FAM168A: variants seen among roughly 807,000 people sequenced by gnomAD.
The protein encoded by FAM168A is protein FAM168A.
In FAM168A, 3 loss-of-function variants were observed where a neutral mutation model predicts 28.5. The ratio of observed to expected loss-of-function variants is 0.11; its 90% CI spans 0.05 to 0.27. The LOEUF is 0.27. Ranked by LOEUF, FAM168A falls within the 10% of genes least tolerant of loss-of-function variation. The probability of loss-of-function intolerance (pLI) is 1.00; values close to 1 mark genes in which losing one functional copy is unlikely to be tolerated. For missense variants in FAM168A, 222 were observed against 311.5 expected (o/e 0.71, Z 2.16); for synonymous variants, 122 against 124.2 (o/e 0.98, Z 0.12).
At chr11:73,484,540 A>C (rs78464644) in intron 1 of FAM168A, among the ~76,000 whole-genome samples, 2 of 136,456 alleles carry the variant, frequency 1.5e-5, no homozygotes, top group African/African-American at 3.1e-5. Context: ...ATATATCTAT[A>C]TATCTATCTA....
intron 1 of FAM168A, among the ~76,000 whole-genome samples, chr11:73,564,905 T>G (rs554515812): frequency 1.2e-3 from 182 of 149,542 alleles, no homozygotes; most frequent in African/African-American, 4.3e-3. Context: ...TTTAGGGAAG[T>G]CTTCAAAGAG....
intron 3 of FAM168A, among the ~76,000 whole-genome samples, chr11:73,428,008 A>G (rs1393730398): frequency 2.0e-5 from 3 of 152,190 alleles, no homozygotes; most frequent in Non-Finnish European, 4.4e-5. Context: ...TGTCTCAGCA[A>G]ATCAAGGTCA....
intron 1 of FAM168A, among the ~76,000 whole-genome samples, chr11:73,477,498 A>C (rs1488110081): frequency 6.6e-6 from 1 of 152,200 alleles, no homozygotes; most frequent in African/African-American, 2.4e-5. Context: ...AAGAAATACA[A>C]TCAACTTCAA....
intron 4 of FAM168A, among the ~76,000 whole-genome samples, chr11:73,413,861 T>TTTAA (rs1866656538): frequency 6.6e-6 from 1 of 152,088 alleles, no homozygotes; most frequent in South Asian, 2.1e-4. Context: ...AGACCAGGAG[T>TTTAA]TTAACACCAG....
At chr11:73,550,727 G>C (rs1943817891) in intron 1 of FAM168A, among the ~76,000 whole-genome samples, 1 of 151,946 alleles carries the variant, frequency 6.6e-6, no homozygotes, top group African/African-American at 2.4e-5. Context: ...CCCAAATAGA[G>C]ATAAATGTCA....
intron 1 of FAM168A, among the ~76,000 whole-genome samples, chr11:73,520,863 G>T (rs1439348094): frequency 1.3e-5 from 2 of 151,346 alleles, no homozygotes; most frequent in East Asian, 3.9e-4. Context: ...TTAAACCACT[G>T]TCAAACATCT....
intron 2 of FAM168A, among the ~76,000 whole-genome samples, chr11:73,431,187 C>CA (rs1866985887): frequency 6.6e-6 from 1 of 151,992 alleles, no homozygotes; most frequent in Non-Finnish European, 1.5e-5. Flanking sequence ...ACTAAAAATA[C>CA]AAAAATTAGC....
intron 1 of FAM168A, among the ~76,000 whole-genome samples, chr11:73,551,016 C>T (rs186560392): frequency 3.2e-4 from 49 of 150,826 alleles, no homozygotes; most frequent in Admixed American, 2.9e-3. Context: ...GAGGCTGAGG[C>T]GGAAGAATGG....
chr11:73,481,985 T>C (rs1447407217), intron 1 of FAM168A, among the ~76,000 whole-genome samples: 3 of 152,180 alleles, frequency 2.0e-5, no homozygotes, highest in East Asian at 3.9e-4. Flanking sequence ...ATTCCTCCTC[T>C]CCTCTGGAGG....
intron 1 of FAM168A, among the ~76,000 whole-genome samples, chr11:73,530,774 C>T (rs891990335): frequency 1.3e-5 from 2 of 152,144 alleles, no homozygotes; most frequent in African/African-American, 2.4e-5. Context: ...GTCTCCTCAA[C>T]TGGATCCTGA....
intron 1 of FAM168A, chr11:73,580,419 A>G (rs2134733773): frequency 3.2e-6 from 2 of 618,644 alleles, no homozygotes; most frequent in Admixed American, 1.8e-5. Flanking sequence ...AAAGGGAAAA[A>G]GGGAAAAGCT....
intron 2 of FAM168A, among the ~76,000 whole-genome samples, chr11:73,431,403 G>A (rs925297381): frequency 7.9e-6 from 1 of 126,214 alleles, no homozygotes; most frequent in Admixed American, 9.9e-5. Flanking sequence ...CACTTTTTAT[G>A]TTCAAGTTTA....
intron 1 of FAM168A, among the ~76,000 whole-genome samples, chr11:73,469,595 C>T (rs1295075336): frequency 6.6e-6 from 1 of 152,108 alleles, no homozygotes. Flanking sequence ...ATAAGCAAAA[C>T]GGAAAATGCC....
chr11:73,520,094 G>A (rs994227264), intron 1 of FAM168A, among the ~76,000 whole-genome samples: 5 of 151,920 alleles, frequency 3.3e-5, no homozygotes, highest in African/African-American at 4.8e-5. Flanking sequence ...TCACCAGGCT[G>A]GAGTGCAGTG....
chr11:73,472,463 T>G (rs556933795), intron 1 of FAM168A, among the ~76,000 whole-genome samples: 31 of 152,220 alleles, frequency 2.0e-4, no homozygotes, highest in Admixed American at 2.0e-3. Context: ...GGCCAAATCA[T>G]GCAGGGCCTC....
chr11:73,402,801 C>T lies in FAM168A; in HGVS notation c.*3962G>A, dbSNP rs548038382. ...AGTGAGGCCTTTAGTTGCAAATTCT[C>T]ATCCTCCTTGTGCTGCCAGTTAGAT... On this transcript the variant is annotated 3_prime_UTR_variant, in exon 8 of 8. Transcript: ENST00000356467. 1.3e-5 allele frequency: 2 copies of T among 152,380 alleles called. No individual in the cohort carries two copies. Among genetic ancestry groups the T allele is most frequent in the East Asian group, 3.9e-4 (2 of 5,194 alleles). 9.4% of individuals were successfully genotyped at this position (152,380 alleles called of 1,614,324 possible). A position where few individuals can be genotyped will look rare whatever the true frequency, so the allele number is the denominator to read the frequency against.
chr11:73,544,058 G>A, intron 1 of FAM168A, among the ~76,000 whole-genome samples: 1 of 152,154 alleles, frequency 6.6e-6, no homozygotes, highest in East Asian at 1.9e-4. Context: ...CTTGAGCCCA[G>A]GAGTTTGAGG....
chr11:73,446,036 T>G (rs1051853546), intron 2 of FAM168A, among the ~76,000 whole-genome samples: 3 of 152,202 alleles, frequency 2.0e-5, no homozygotes, highest in Non-Finnish European at 4.4e-5. Flanking sequence ...CTATGAGCTA[T>G]TTTATTTTTT....
chr11:73,442,955 GATATATATATAT>G (rs58430278), intron 2 of FAM168A, among the ~76,000 whole-genome samples: 1,703 of 40,222 alleles, frequency 0.042, 95 homozygotes, highest in African/African-American at 0.061. Context: ...ATATACAAAG[GATATATATATAT>G]ATATATATAT....
Sources: allele counts gnomAD v4.1 joint callset (sites outside exome capture counted in the v4.1 genomes callset), GRCh38; gene constraint gnomAD v4.1.1; transcripts MANE v1.5; gene names NCBI Gene and HGNC (gene_info 2026-07-23, HGNC 2026-07-21).